The following ANO10 variants were observed in gnomAD, a reference collection of about 807,000 sequenced individuals.
ANO10 encodes anoctamin-10.
Under a neutral mutation model 74.7 loss-of-function variants are expected in ANO10, and 77 were observed. The ratio of observed to expected loss-of-function variants is 1.03; its 90% confidence interval spans 0.86 to 1.25. The LOEUF is 1.25. Ranked by LOEUF, ANO10 falls within the 50% of genes most tolerant of loss-of-function variation. The pLI is 0.00. For synonymous variants in ANO10, 279 were observed against 284.9 expected (o/e 0.98, Z 0.21); for missense variants, 721 against 778.1 (o/e 0.93, Z 0.87).
At chr3:43,576,273 G>A (rs771306703) in intron 6 of ANO10, among the ~76,000 whole-genome samples, 14 of 151,736 alleles carry the variant, frequency 9.2e-5, no homozygotes, top group Non-Finnish European at 1.8e-4. Flanking sequence ...TTTTACCCTC[G>A]GCATGAAACA....
At position 43,367,790 on chromosome 3, in the gene ANO10, A is replaced by G. The variant is rs1194234601; in HGVS notation, c.1915-816T>C. ...TACAGCTCTGCCCTATTCGTTGAAT[A>G]AATGAATAACTATAATACTGTGGAA... is the stretch of plus-strand genomic sequence containing the variant. On this transcript the variant is annotated intron_variant, in intron 12 of 12. Coordinates refer to ENST00000292246, the MANE Select transcript of ANO10 (RefSeq NM_018075.5). Among the ~76,000 whole-genome samples, 3 of 152,218 alleles carry G rather than the reference A, an allele frequency of 2.0e-5. No individual in the cohort carries two copies. The East Asian group carries it at 5.8e-4, about 29-fold the overall frequency.
intron 11 of ANO10, among the ~76,000 whole-genome samples, chr3:43,499,073 G>T (rs1351663935): frequency 6.6e-6 from 1 of 152,176 alleles, no homozygotes; most frequent in Non-Finnish European, 1.5e-5. Flanking sequence ...CTCCACCACA[G>T]TTCCAGGGCT....
chr3:43,679,171 C>A (rs1185438961), intron 1 of ANO10, among the ~76,000 whole-genome samples: 1 of 152,184 alleles, frequency 6.6e-6, no homozygotes, highest in Non-Finnish European at 1.5e-5. Context: ...CGCAAGGGGT[C>A]AGGGAATTCC....
rs557555451 is a variant in ANO10 at position 43,614,928 on chromosome 3, C to T, written c.-12+6981G>A. Among the ~76,000 whole-genome samples the T allele has an allele frequency of 1.6e-3, 237 of 150,418 alleles. 1 individual carries two copies. The highest frequency in any genetic ancestry group is 3.5e-3 in the Middle Eastern group (1 of 288). The stretch of plus-strand genomic sequence containing the variant: ...AAAAAACAACTTAATATTTCAATGT[C>T]CATCAACAAGAAATTGGCTAAAGTC... On this transcript the variant is annotated intron_variant, in intron 1 of 12. Coordinates refer to ENST00000292246, the MANE Select transcript of ANO10 (RefSeq NM_018075.5).
intron 10 of ANO10, chr3:43,551,464 G>A (rs990554774): frequency 1.1e-5 from 5 of 456,322 alleles, no homozygotes; most frequent in African/African-American, 4.0e-5. Context: ...TTTGATAGGT[G>A]TATTTACCTG....
chr3:43,393,704 C>T (rs1233637227), intron 12 of ANO10, among the ~76,000 whole-genome samples: 1 of 152,004 alleles, frequency 6.6e-6, no homozygotes, highest in Non-Finnish European at 1.5e-5. Context: ...ATTCTTTTCC[C>T]AGTTTTCAAC....
At chr3:43,597,839 G>T (rs1204739899) in intron 4 of ANO10, among the ~76,000 whole-genome samples, 1 of 151,914 alleles carries the variant, frequency 6.6e-6, no homozygotes, top group Non-Finnish European at 1.5e-5. Flanking sequence ...GATTATTTGA[G>T]CCCAGGAGAT....
At chr3:43,677,863 A>T (rs749139684) in intron 1 of ANO10, among the ~76,000 whole-genome samples, 3 of 152,244 alleles carry the variant, frequency 2.0e-5, no homozygotes, top group Non-Finnish European at 4.4e-5. Context: ...CTTAAGTTTC[A>T]GCATTGGAAA....
intron 1 of ANO10, among the ~76,000 whole-genome samples, chr3:43,674,675 G>C (rs1252023605): frequency 1.3e-5 from 2 of 152,148 alleles, no homozygotes; most frequent in Non-Finnish European, 2.9e-5. Context: ...CAACACCTGT[G>C]GGAAGGAAGG....
At chr3:43,499,983 C>T (rs1355167911) in intron 11 of ANO10, among the ~76,000 whole-genome samples, 1 of 152,030 alleles carries the variant, frequency 6.6e-6, no homozygotes, top group Non-Finnish European at 1.5e-5. Context: ...AGGTGCATGC[C>T]ACCACACCTA....
chr3:43,396,818 C>G (rs561085993), intron 12 of ANO10, among the ~76,000 whole-genome samples: 1 of 152,142 alleles, frequency 6.6e-6, no homozygotes, highest in Non-Finnish European at 1.5e-5. Context: ...AAAGTGTGCA[C>G]CAGCATGCCA....
intron 11 of ANO10, among the ~76,000 whole-genome samples, chr3:43,531,454 T>A (rs1240428467): frequency 6.6e-6 from 1 of 152,110 alleles, no homozygotes; most frequent in Admixed American, 6.5e-5. Flanking sequence ...TATGGAAGAG[T>A]CTTTTCTTGC....
At chr3:43,464,760 T>G (rs1575930226) in intron 11 of ANO10, among the ~76,000 whole-genome samples, 1 of 152,166 alleles carries the variant, frequency 6.6e-6, no homozygotes, top group African/African-American at 2.4e-5. Flanking sequence ...AGAACAATGA[T>G]CCATCATATC....
At position 43,546,587 on chromosome 3, in the gene ANO10, C is replaced by T. The variant is rs2079201659; in HGVS notation, c.1797+3133G>A. 2.0e-5 allele frequency among the ~76,000 whole-genome samples: 3 copies of T among 151,300 alleles called. No homozygotes were observed. In the South Asian group the frequency reaches 6.3e-4, roughly 32 times the overall value. The stretch of plus-strand genomic sequence containing the variant: ...TGGACATCCACATGCAAAAGAAATA[C>T]AAGTTATAAAAACAACCAAATGAAA... On this transcript the variant is annotated intron_variant, in intron 11 of 12. Transcript: ENST00000292246.
At chr3:43,382,628 A>T (rs2092000293) in intron 12 of ANO10, among the ~76,000 whole-genome samples, 1 of 152,156 alleles carries the variant, frequency 6.6e-6, no homozygotes, top group Non-Finnish European at 1.5e-5. Flanking sequence ...TTCTTTGAAA[A>T]GATAGACTAA....
intron 11 of ANO10, among the ~76,000 whole-genome samples, chr3:43,500,151 T>C (rs1192597200): frequency 6.6e-6 from 1 of 152,208 alleles, no homozygotes; most frequent in African/African-American, 2.4e-5. Flanking sequence ...CAGCCCCATG[T>C]ACTACTAGAT....
intron 11 of ANO10, among the ~76,000 whole-genome samples, chr3:43,547,404 A>C (rs1186712398): frequency 6.6e-6 from 1 of 152,206 alleles, no homozygotes; most frequent in Non-Finnish European, 1.5e-5. Flanking sequence ...ATTTTCTCAT[A>C]GTCTGGAGGC....
intron 2 of ANO10, among the ~76,000 whole-genome samples, chr3:43,602,853 A>G (rs1295838137): frequency 6.6e-6 from 1 of 152,214 alleles, no homozygotes; most frequent in Non-Finnish European, 1.5e-5. Flanking sequence ...CAAATTGTTC[A>G]GATGACTCCT....
rs1286828842 is a variant in ANO10, at chr3:43,598,519, CATA to C, written c.472+10_472+12del. 1 of 1,612,280 alleles carries C rather than the reference CATA, an allele frequency of 6.2e-7. No homozygotes were observed. The highest frequency in any genetic ancestry group is 1.3e-5 in the African/African-American group (1 of 74,892). On this transcript the variant is annotated intron_variant, in intron 4 of 12. Transcript: ENST00000292246. Reference sequence around the variant, plus strand: ...GTCTATTAAGAAAAAGACTGGTTGACATAATGACTTACACAATGATTTTCCTGG... The same window carrying C: ...GTCTATTAAGAAAAAGACTGGTTGACATGACTTACACAATGATTTTCCTGG...
Sources: gnomAD v4.1 joint callset for allele counts (sites outside exome capture counted in the v4.1 genomes callset) on GRCh38, gnomAD v4.1.1 for gene constraint, MANE v1.5 for transcripts, NCBI Gene and HGNC (gene_info 2026-07-23, HGNC 2026-07-21) for gene names.